Variants in SMIM13 observed in about 807,000 individuals in gnomAD.
SMIM13 encodes the protein UPF0766 protein C6orf228.
SMIM13 carries 3 observed loss-of-function variants against 5.9 expected under a neutral mutation model. The observed-to-expected ratio is 0.51, with a 90% confidence interval of 0.23 to 1.31. SMIM13 has a LOEUF of 1.31. Among genes scored for constraint, SMIM13 ranks in the 40% most tolerant of loss-of-function variants. SMIM13 has a pLI of 0.18. For missense variants in SMIM13, 85 were observed against 109.9 expected (o/e 0.77, Z 1.01); for synonymous variants, 55 against 46.0 (o/e 1.19, Z -0.79).
At chr6:11,103,745 C>T (rs750832373) in intron 1 of SMIM13, 5 of 1,551,490 alleles carry the variant, frequency 3.2e-6, no homozygotes, top group East Asian at 2.4e-5. Context: ...CACTGAGATT[C>T]GTCTGGAGCT....
rs147809534 is a variant in SMIM13 at position 11,125,268 on chromosome 6, C to T, written c.77-9135C>T. Among the ~76,000 whole-genome samples, 44 of 131,396 alleles carry T rather than the reference C, an allele frequency of 3.3e-4. No individual in the cohort carries two copies. The East Asian group carries it at 9.6e-3, about 29-fold the overall frequency. The allele number at this position is 131,396 out of a possible 152,430, so 86.2% of individuals were successfully genotyped here. ...CGAGATTGCGCTACTGCACTCCAGT[C>T]TGGGCAACAGAGTGAGACTCCATCT... On this transcript the variant is annotated intron_variant, in intron 1 of 1. Coordinates refer to ENST00000416247, the MANE Select transcript of SMIM13 (RefSeq NM_001135575.2).
At chr6:11,111,248 A>G (rs1278671462) in intron 1 of SMIM13, among the ~76,000 whole-genome samples, 2 of 152,230 alleles carry the variant, frequency 1.3e-5, no homozygotes, top group Non-Finnish European at 2.9e-5. Context: ...AAGAACAGAG[A>G]AAAGACAGAC....
intron 1 of SMIM13, among the ~76,000 whole-genome samples, chr6:11,119,714 C>A (rs1758287006): frequency 1.3e-5 from 2 of 151,790 alleles, no homozygotes; most frequent in Non-Finnish European, 2.9e-5. Context: ...GGATCCATGG[C>A]AGTGTTGTGA....
chr6:11,129,245 C>CT (rs1469822704), intron 1 of SMIM13, among the ~76,000 whole-genome samples: 1 of 152,148 alleles, frequency 6.6e-6, no homozygotes, highest in Non-Finnish European at 1.5e-5. Flanking sequence ...GTTAGATCAA[C>CT]TTTTTTAGCT....
intron 1 of SMIM13, among the ~76,000 whole-genome samples, chr6:11,110,877 C>T (rs1363653582): frequency 6.6e-6 from 1 of 152,058 alleles, no homozygotes; most frequent in Admixed American, 6.6e-5. Flanking sequence ...AGAAAAAAAG[C>T]GAGTGGGTGG....
At chr6:11,100,433 C>T (rs1386533074) in intron 1 of SMIM13, among the ~76,000 whole-genome samples, 3 of 152,194 alleles carry the variant, frequency 2.0e-5, no homozygotes, top group Admixed American at 6.5e-5. Flanking sequence ...GTATTTCCCA[C>T]GTGTTCAAAT....
intron 1 of SMIM13, among the ~76,000 whole-genome samples, chr6:11,127,970 C>T (rs1758400021): frequency 6.6e-6 from 1 of 152,148 alleles, no homozygotes; most frequent in South Asian, 2.1e-4. Context: ...GGAGCCAAGG[C>T]CTGGAATTGG....
chr6:11,106,964 C>G (rs557108126), intron 1 of SMIM13, among the ~76,000 whole-genome samples: 2 of 152,206 alleles, frequency 1.3e-5, no homozygotes, highest in Non-Finnish European at 2.9e-5. Context: ...CCTTTTCTTT[C>G]CCCTAGTTTA....
At chr6:11,118,955 T>A (rs189591850) in intron 1 of SMIM13, among the ~76,000 whole-genome samples, 79 of 152,268 alleles carry the variant, frequency 5.2e-4, no homozygotes, top group Admixed American at 3.4e-3. Context: ...TGAGTTAGGA[T>A]TCATGGAAGA....
chr6:11,104,874 T>C (rs1426117323), intron 1 of SMIM13: 1 of 1,614,234 alleles, frequency 6.2e-7, no homozygotes, highest in Admixed American at 1.7e-5. Flanking sequence ...GAAAGTAACA[T>C]TACAGACTGT....
intron 1 of SMIM13, among the ~76,000 whole-genome samples, chr6:11,130,058 G>T (rs926919239): frequency 6.6e-6 from 1 of 152,060 alleles, no homozygotes; most frequent in African/African-American, 2.4e-5. Flanking sequence ...TAAGTATTAT[G>T]ATATGGAAAC....
chr6:11,098,664 C>A (rs1439914924), intron 1 of SMIM13, among the ~76,000 whole-genome samples: 1 of 152,206 alleles, frequency 6.6e-6, no homozygotes, highest in Non-Finnish European at 1.5e-5. Flanking sequence ...AACTCCTGAC[C>A]TCAGGTGATC....
At chr6:11,124,883 A>C (rs913144102) in intron 1 of SMIM13, among the ~76,000 whole-genome samples, 1 of 152,208 alleles carries the variant, frequency 6.6e-6, no homozygotes, top group Non-Finnish European at 1.5e-5. Context: ...TGTTGACTAA[A>C]TCCCCTAGCG....
intron 1 of SMIM13, among the ~76,000 whole-genome samples, chr6:11,125,294 TAAAAA>T (rs34260357): frequency 5.7e-5 from 6 of 105,194 alleles, no homozygotes; most frequent in African/African-American, 1.9e-4. Flanking sequence ...GACTCCATCT[TAAAAA>T]AAAAAAAAAA....
At chr6:11,109,831 G>A (rs1484602243) in intron 1 of SMIM13, among the ~76,000 whole-genome samples, 1 of 152,120 alleles carries the variant, frequency 6.6e-6, no homozygotes, top group Non-Finnish European at 1.5e-5. Context: ...ACAGAGACTT[G>A]ATTACCTGTC....
intron 1 of SMIM13, among the ~76,000 whole-genome samples, chr6:11,099,628 T>C (rs1757966914): frequency 6.6e-6 from 1 of 152,198 alleles, no homozygotes; most frequent in Non-Finnish European, 1.5e-5. Context: ...GTTCAACAAA[T>C]GAATAGATGA....
chr6:11,115,832 G>A (rs1561756407), intron 1 of SMIM13, among the ~76,000 whole-genome samples: 1 of 150,506 alleles, frequency 6.6e-6, no homozygotes, highest in African/African-American at 2.4e-5. Flanking sequence ...TTACAAGCAT[G>A]GGCCACCATG....
At chr6:11,116,410 C>G (rs910602832) in intron 1 of SMIM13, among the ~76,000 whole-genome samples, 12 of 152,196 alleles carry the variant, frequency 7.9e-5, no homozygotes, top group African/African-American at 2.4e-4. Context: ...AGGATTGACT[C>G]ATTGGGATTA....
intron 1 of SMIM13, among the ~76,000 whole-genome samples, chr6:11,119,624 A>G (rs1758285649): frequency 1.3e-5 from 2 of 151,960 alleles, no homozygotes; most frequent in South Asian, 4.2e-4. Context: ...ACTGCACTCC[A>G]GCCTGGACGA....
Sources: gnomAD v4.1 joint callset for allele counts (sites outside exome capture counted in the v4.1 genomes callset) on GRCh38, gnomAD v4.1.1 for gene constraint, MANE v1.5 for transcripts, NCBI Gene and HGNC (gene_info 2026-07-23, HGNC 2026-07-21) for gene names.